The following NAAA variants were observed in gnomAD, a reference collection of about 807,000 sequenced individuals.
NAAA encodes the protein N-acylethanolamine-hydrolyzing acid amidase.
NAAA carries 39 observed loss-of-function variants against 44.8 expected under a neutral mutation model. The observed-to-expected ratio is 0.87, with a 90% CI of 0.67 to 1.14. The LOEUF is 1.14. Ranked by LOEUF, NAAA falls within the 50% of genes most tolerant of loss-of-function variation. The probability of loss-of-function intolerance (pLI) is 0.00; values close to 1 mark genes in which losing one functional copy is unlikely to be tolerated. For missense variants in NAAA, 460 were observed against 467.8 expected, an observed-to-expected ratio of 0.98 and a Z score of 0.15; for synonymous variants, 178 against 191.3, an observed-to-expected ratio of 0.93 and a Z score of 0.58.
intron 9 of NAAA, chr4:75,917,039 A>G (rs1725690384): frequency 1.2e-6 from 1 of 853,762 alleles, no homozygotes; most frequent in Non-Finnish European, 1.4e-6. Context: ...CTCGGCTTCC[A>G]AAGTACTAGG....
At chr4:75,927,358 T>A (rs1426767773) in intron 4 of NAAA, among the ~76,000 whole-genome samples, 1 of 152,034 alleles carries the variant, frequency 6.6e-6, no homozygotes, top group African/African-American at 2.4e-5. Context: ...GGTAGGAGGA[T>A]AACTTGAGCC....
chr4:75,917,076 G>A, intron 9 of NAAA: 5 of 952,860 alleles, frequency 5.2e-6, no homozygotes, highest in South Asian at 4.9e-5. Context: ...ACTGCGCCCA[G>A]CCAGATATAT....
intron 5 of NAAA, among the ~76,000 whole-genome samples, chr4:75,924,921 C>T (rs1182322754): frequency 2.6e-5 from 4 of 152,190 alleles, no homozygotes; most frequent in Admixed American, 2.0e-4. Context: ...AAAGAATTTG[C>T]CATTTGTTCC....
At chr4:75,912,191 C>T (rs1344183624), downstream of NAAA, among the ~76,000 whole-genome samples, 2 of 152,186 alleles carry the variant, frequency 1.3e-5, no homozygotes, top group Non-Finnish European at 2.9e-5. Flanking sequence ...TTAGGGTATT[C>T]CCCAAATTTC....
chr4:75,919,627 C>T lies in NAAA; in HGVS notation c.969+282G>A, dbSNP rs55967764. 150,184 of 509,720 alleles carry T rather than the reference C, an allele frequency of 0.29. 24,694 individuals carry two copies. Among genetic ancestry groups the T allele is most frequent in the East Asian group, 0.43 (12,208 of 28,070 alleles). 31.6% of individuals were successfully genotyped at this position (509,720 alleles called of 1,614,324 possible). ...TGGAGTAGCTTGGACTACAGGCACCCGCCACTACACCTGGCTAATTTTTTG... is the reference window on the plus strand; with the variant it reads ...TGGAGTAGCTTGGACTACAGGCACCTGCCACTACACCTGGCTAATTTTTTG... On this transcript the variant is annotated intron_variant, in intron 8 of 10. Coordinates refer to ENST00000286733, the MANE Select transcript of NAAA (RefSeq NM_014435.4).
At position 75,940,868 on chromosome 4, in the gene NAAA, C is replaced by G; in HGVS notation, c.82G>C (p.Ala28Pro). 1.3e-6 allele frequency: 2 copies of G among 1,573,260 alleles called. No individual in the cohort carries two copies. The highest frequency in any genetic ancestry group is 1.7e-6 in the Non-Finnish European group (2 of 1,169,356). ...LLLAGAGLSA[A>P]SPPAAPRFNV... The stretch of plus-strand genomic sequence containing the variant: ...AAGCGCGGCGCTGCTGGGGGCGAGG[C>G]GGCTGACAGCCCGGCCCCGGCCAGC... The change falls in exon 1 of 11, where the codon GCC (alanine) becomes CCC (proline). Residue 28 changes from alanine to proline, a missense_variant. Ala to Pro is a conservative substitution (Grantham distance 27). Coordinates refer to ENST00000286733, the MANE Select transcript of NAAA (RefSeq NM_014435.4).
chr4:75,913,672 T>C lies in NAAA; in HGVS notation c.*703A>G. 1 of 981,464 alleles carries C rather than the reference T, an allele frequency of 1.0e-6. No homozygotes were observed. Among genetic ancestry groups the C allele is most frequent in the Non-Finnish European group, 1.2e-6 (1 of 826,386 alleles). The allele number at this position is 981,464 out of a possible 1,614,324, so 60.8% of individuals were successfully genotyped here. On this transcript the variant is annotated 3_prime_UTR_variant, in exon 11 of 11. Coordinates refer to ENST00000286733, the MANE Select transcript of NAAA (RefSeq NM_014435.4). ...GCATAACGCTAAGTTTCTTGGAAAT[T>C]TTTTTATTCTCCTTGCCAACATTTC...
chr4:75,932,086 G>A (rs749710270), intron 3 of NAAA, among the ~76,000 whole-genome samples: 12 of 152,256 alleles, frequency 7.9e-5, no homozygotes, highest in East Asian at 1.9e-4. Context: ...AAAATTAGCC[G>A]GGCGTGGTGG....
chr4:75,936,135 C>A lies in NAAA; in HGVS notation c.472G>T (p.Asp158Tyr). Residue 158 changes from aspartate (D) to tyrosine (Y), a missense_variant, in exon 3 of 11, where the codon GAT becomes TAT. Coordinates refer to ENST00000286733, the MANE Select transcript of NAAA (RefSeq NM_014435.4). Reference protein sequence around the residue: ...FGNVLRKLTVDVQFLKNGQIA... With the variant: ...FGNVLRKLTVYVQFLKNGQIA... ...TGCCCATTCTTTAAGAATTGCACAT[C>A]CACTGTCAGCTTGCGTAAGACATTC... 1 of 1,614,044 alleles carries A rather than the reference C, an allele frequency of 6.2e-7. No individual in the cohort carries two copies. Among genetic ancestry groups the A allele is most frequent in the South Asian group, 1.1e-5 (1 of 91,078 alleles).
chr4:75,920,068 T>G, intron 7 of NAAA, 93 bp from the exon 8 acceptor site: 1 of 1,095,396 alleles, frequency 9.1e-7, no homozygotes. Flanking sequence ...CAAGCTCCAG[T>G]CTCATTATCT....
chr4:75,924,996 A>AT (rs5859484), intron 5 of NAAA, among the ~76,000 whole-genome samples: 54,625 of 147,330 alleles, frequency 0.37, 10,207 homozygotes, highest in East Asian at 0.5. Context: ...GCATAACTTC[A>AT]TTTTTTTTTT....
At chr4:75,912,234 A>C (rs1282322778), downstream of NAAA, among the ~76,000 whole-genome samples, 1 of 152,172 alleles carries the variant, frequency 6.6e-6, no homozygotes, top group African/African-American at 2.4e-5. Flanking sequence ...AGAAAACAAA[A>C]ATGGAATAAG....
chr4:75,920,900 A>C, intron 6 of NAAA, 51 bp downstream of exon 6: 8 of 1,613,218 alleles, frequency 5.0e-6, no homozygotes, highest in Non-Finnish European at 6.8e-6. Flanking sequence ...TCACCGATTA[A>C]AAAAAATGAT....
chr4:75,918,617 C>T, intron 9 of NAAA, 144 bp downstream of exon 9: 1 of 747,344 alleles, frequency 1.3e-6, no homozygotes. Flanking sequence ...TTGCTCGCAG[C>T]TGTACCCACA....
chr4:75,927,358 T>C (rs1426767773), intron 4 of NAAA, among the ~76,000 whole-genome samples: 1 of 152,034 alleles, frequency 6.6e-6, no homozygotes, highest in African/African-American at 2.4e-5. Context: ...GGTAGGAGGA[T>C]AACTTGAGCC....
At chr4:75,933,426 T>C (rs181292472) in intron 3 of NAAA, among the ~76,000 whole-genome samples, 99 of 152,226 alleles carry the variant, frequency 6.5e-4, no homozygotes, top group Non-Finnish European at 1.2e-3. Context: ...CGCATGGTGG[T>C]AAAGCAGAAA....
chr4:75,933,762 C>T (rs1727448261), intron 3 of NAAA, among the ~76,000 whole-genome samples: 1 of 151,910 alleles, frequency 6.6e-6, no homozygotes, highest in Admixed American at 6.6e-5. Flanking sequence ...GTGCCTGGTG[C>T]GGTGGCTCAA....
chr4:75,919,035 C>G (rs183676214), intron 8 of NAAA, among the ~76,000 whole-genome samples: 2 of 123,366 alleles, frequency 1.6e-5, no homozygotes, highest in Non-Finnish European at 3.3e-5. Context: ...CTTTAGTGTA[C>G]CTTGAGGTGA....
chr4:75,938,254 G>A (rs1295435030), intron 2 of NAAA, among the ~76,000 whole-genome samples: 1 of 152,198 alleles, frequency 6.6e-6, no homozygotes, highest in Non-Finnish European at 1.5e-5. Flanking sequence ...TAATGCTAGT[G>A]AATTGAATGG....
Sources: gnomAD v4.1 joint callset for allele counts (sites outside exome capture counted in the v4.1 genomes callset) on GRCh38, gnomAD v4.1.1 for gene constraint, MANE v1.5 for transcripts, NCBI Gene and HGNC (gene_info 2026-07-23, HGNC 2026-07-21) for gene names.